The following CEP85 variants were observed in gnomAD, a reference collection of about 807,000 sequenced individuals.
CEP85 encodes centrosomal protein 85, also known as centrosomal protein of 85 kDa.
A neutral mutation model predicts 93.7 loss-of-function variants in CEP85; 58 were observed. The ratio of observed to expected loss-of-function variants is 0.62; its 90% CI spans 0.50 to 0.77. The LOEUF is 0.77. Ranked by LOEUF, CEP85 falls within the 30% of genes least tolerant of loss-of-function variation. The pLI, the probability that CEP85 is intolerant of heterozygous loss-of-function variation, is 0.00. For missense variants in CEP85, 868 were observed against 922.0 expected (o/e 0.94, Z 0.76); for synonymous variants, 314 against 338.6 (o/e 0.93, Z 0.80).
chr1:26,249,105 G>A (rs905383800), intron 3 of CEP85, among the ~76,000 whole-genome samples: 2 of 149,738 alleles, frequency 1.3e-5, no homozygotes, highest in African/African-American at 2.5e-5. Flanking sequence ...GTTTTGAGAC[G>A]GAGTCTCACT....
At chr1:26,238,357 T>C (rs1006158697) in intron 1 of CEP85, among the ~76,000 whole-genome samples, 2 of 151,666 alleles carry the variant, frequency 1.3e-5, no homozygotes, top group Non-Finnish European at 2.9e-5. Flanking sequence ...CCTGCCACCA[T>C]GCCTGGCTAA....
intron 4 of CEP85, among the ~76,000 whole-genome samples, chr1:26,256,928 G>GGGGTGTGTGTGTGTGT (rs1553159974): frequency 0.013 from 1,500 of 111,492 alleles, 33 homozygotes; most frequent in African/African-American, 0.048. Flanking sequence ...GTTTTGTTTT[G>GGGGTGTGTGTGTGTGT]GTGTGTGTGT....
intron 2 of CEP85, 106 bp downstream of exon 2, chr1:26,239,944 C>A: frequency 2.5e-6 from 2 of 815,098 alleles, no homozygotes; most frequent in Admixed American, 2.2e-5. Flanking sequence ...AATGCTGGTG[C>A]TAAAAGAATA....
At chr1:26,274,606 AAG>A (rs1330364977) in intron 11 of CEP85, among the ~76,000 whole-genome samples, 1 of 152,188 alleles carries the variant, frequency 6.6e-6, no homozygotes, top group Middle Eastern at 3.2e-3. Flanking sequence ...AAGAAAGGAA[AAG>A]AGAAGTGAGC....
chr1:26,258,456 A>G (rs186816668), intron 6 of CEP85, among the ~76,000 whole-genome samples, 196 bp downstream of exon 6: 87 of 152,302 alleles, frequency 5.7e-4, no homozygotes, highest in African/African-American at 1.8e-3. Flanking sequence ...GAACCAGGTG[A>G]AAGTCCAGAT....
chr1:26,265,831 G>A (rs1318238207), intron 7 of CEP85, among the ~76,000 whole-genome samples: 1 of 152,044 alleles, frequency 6.6e-6, no homozygotes, highest in East Asian at 1.9e-4. Context: ...TCTTAATCCT[G>A]GTACTTTGGG....
chr1:26,272,615 GC>G, intron 11 of CEP85, among the ~76,000 whole-genome samples: 1 of 126,844 alleles, frequency 7.9e-6, no homozygotes. Context: ...ATCTATTACA[GC>G]ATTTTTTTTT....
chr1:26,253,840 G>A (rs1252586793), intron 3 of CEP85, among the ~76,000 whole-genome samples: 2 of 151,764 alleles, frequency 1.3e-5, no homozygotes, highest in Admixed American at 6.6e-5. Flanking sequence ...CCATGAGTTC[G>A]AGACCAGTCT....
At chr1:26,240,065 A>G (rs1308747904) in intron 2 of CEP85, among the ~76,000 whole-genome samples, 1 of 152,212 alleles carries the variant, frequency 6.6e-6, no homozygotes, top group Non-Finnish European at 1.5e-5. Context: ...AGAGGACGAC[A>G]TATAAAGGAT....
At chr1:26,260,447 C>T (rs111598690) in intron 7 of CEP85, among the ~76,000 whole-genome samples, 18 of 151,564 alleles carry the variant, frequency 1.2e-4, no homozygotes, top group Non-Finnish European at 1.6e-4. Flanking sequence ...ACCAGGATCA[C>T]GCCATCATGC....
chr1:26,248,109 C>T (rs1344654492), intron 3 of CEP85, among the ~76,000 whole-genome samples: 1 of 152,146 alleles, frequency 6.6e-6, no homozygotes, highest in Non-Finnish European at 1.5e-5. Context: ...AACAAAAATT[C>T]CCCAAGGAGT....
chr1:26,239,579 T>C (rs1426261269), intron 1 of CEP85, among the ~76,000 whole-genome samples, 183 bp from the exon 2 acceptor site: 1 of 147,168 alleles, frequency 6.8e-6, no homozygotes, highest in African/African-American at 2.7e-5. Context: ...CTCGAACTCC[T>C]GACCTCAGTT....
At position 26,244,216 on chromosome 1, in the gene CEP85, C is replaced by G; in HGVS notation, c.106C>G (p.Pro36Ala). The change falls in exon 3 of 14, where the codon CCA (proline) becomes GCA (alanine). Residue 36 changes from proline to alanine, a missense_variant. Coordinates refer to ENST00000451429, the MANE Select transcript of CEP85 (RefSeq NM_001319944.2). ...TTCCCTGGGGACTGAATGGCAGACC[C>G]CAGTTATCTCGGAGCCCTTTCGGAG... ...GSSLGTEWQT[P>A]VISEPFRSRF... is the part of the protein sequence containing the mutation. 1.2e-6 allele frequency: 2 copies of G among 1,613,598 alleles called. No individual in the cohort carries two copies. The highest frequency in any genetic ancestry group is 1.7e-6 in the Non-Finnish European group (2 of 1,179,962).
Position 26,257,653 on chromosome 1 carries a change from C to A in CEP85, c.960C>A (p.Ile320=), listed in dbSNP as rs34645806. The A allele has an allele frequency of 1.5e-3, 2,414 of 1,614,182 alleles. 24 individuals carry two copies. The African/African-American group carries it at 0.026, about 17-fold the overall frequency. The change falls in exon 5 of 14, where the codon ATC becomes ATA. Residue 320 remains isoleucine, a synonymous_variant. Coordinates refer to ENST00000451429, the MANE Select transcript of CEP85 (RefSeq NM_001319944.2). The part of the protein sequence containing the change: ...HPAAFGPSLP[I]LEPAQWISIL... ...CTGCTTTTGGTCCTTCACTGCCCAT[C>A]TTAGAGCCAGCACAGTGGATCAGCA...
At chr1:26,250,153 T>TA (rs1426065790) in intron 3 of CEP85, among the ~76,000 whole-genome samples, 2 of 148,234 alleles carry the variant, frequency 1.3e-5, no homozygotes, top group African/African-American at 2.5e-5. Context: ...AGACCAGACT[T>TA]ACGGTGTAAC....
chr1:26,267,594 C>G (rs757656946), intron 7 of CEP85, among the ~76,000 whole-genome samples: 3 of 152,156 alleles, frequency 2.0e-5, no homozygotes, highest in Admixed American at 6.6e-5. Flanking sequence ...AATTCAGGAC[C>G]AGCCAAATGA....
intron 7 of CEP85, among the ~76,000 whole-genome samples, chr1:26,262,526 T>G (rs1198755063): frequency 6.6e-6 from 1 of 151,750 alleles, no homozygotes; most frequent in African/African-American, 2.4e-5. Context: ...GCGGGGGATG[T>G]GACTGTTGGA....
chr1:26,276,532 C>T lies in CEP85; in HGVS notation c.1903-3C>T, dbSNP rs747172784. The T allele has an allele frequency of 1.2e-6, 2 of 1,613,218 alleles. No homozygotes were observed. The highest frequency in any genetic ancestry group is 2.2e-5 in the East Asian group (1 of 44,884). ...TAATGTGCTTACCCATCTGTCTGCTCAGCTTTCAGTGCAAAACCAGGACTT... is the reference window on the plus strand; with the variant it reads ...TAATGTGCTTACCCATCTGTCTGCTTAGCTTTCAGTGCAAAACCAGGACTT... On this transcript the variant is annotated splice_region_variant and splice_polypyrimidine_tract_variant and intron_variant, in intron 12 of 13. Transcript: ENST00000451429.
chr1:26,240,912 G>A (rs2089412749), intron 2 of CEP85, among the ~76,000 whole-genome samples: 2 of 150,494 alleles, frequency 1.3e-5, no homozygotes, highest in African/African-American at 4.9e-5. Flanking sequence ...AAAAAAAGGG[G>A]AAAAAAAAGA....
Sources: gnomAD v4.1 joint callset for allele counts (sites outside exome capture counted in the v4.1 genomes callset) on GRCh38, gnomAD v4.1.1 for gene constraint, MANE v1.5 for transcripts, NCBI Gene and HGNC (gene_info 2026-07-23, HGNC 2026-07-21) for gene names.